The following DACH1 variants were observed in gnomAD, a reference collection of about 807,000 sequenced individuals.
DACH1 encodes the protein dachshund homolog 1.
In DACH1, 12 loss-of-function variants were observed where a neutral mutation model predicts 54.2. The observed-to-expected ratio is 0.22, with a 90% CI of 0.14 to 0.36. The LOEUF (loss-of-function observed/expected upper bound fraction) is 0.36, where lower values mean the gene tolerates loss of function less well. Among genes scored for constraint, DACH1 ranks in the 10% least tolerant of loss-of-function variants. The pLI is 1.00. For synonymous variants in DACH1, 386 were observed against 366.2 expected (o/e 1.05, Z -0.62); for missense variants, 805 against 929.8 (o/e 0.87, Z 1.75).
intron 1 of DACH1, among the ~76,000 whole-genome samples, chr13:71,780,976 A>G (rs1886344550): frequency 6.6e-6 from 1 of 152,190 alleles, no homozygotes; most frequent in Non-Finnish European, 1.5e-5. Context: ...TCTACAAAAA[A>G]TAAAAATAAA....
chr13:71,850,330 C>A (rs959313828), intron 1 of DACH1, among the ~76,000 whole-genome samples: 1 of 152,166 alleles, frequency 6.6e-6, no homozygotes, highest in Non-Finnish European at 1.5e-5. Flanking sequence ...TTACTCAACA[C>A]CTTCGGGCCC....
chr13:71,531,416 G>A (rs1464130224), intron 6 of DACH1, among the ~76,000 whole-genome samples: 1 of 151,968 alleles, frequency 6.6e-6, no homozygotes, highest in South Asian at 2.1e-4. Flanking sequence ...ATAAGTATAT[G>A]AGAATTGAAG....
intron 4 of DACH1, among the ~76,000 whole-genome samples, chr13:71,560,216 G>C (rs1884502712): frequency 6.6e-6 from 1 of 152,098 alleles, no homozygotes; most frequent in African/African-American, 2.4e-5. Flanking sequence ...TGGAGAAAAA[G>C]TAAGCCCTAG....
At chr13:71,511,834 T>C (rs1880798262) in intron 6 of DACH1, among the ~76,000 whole-genome samples, 1 of 151,976 alleles carries the variant, frequency 6.6e-6, no homozygotes, top group South Asian at 2.1e-4. Context: ...ATCTTTTGTT[T>C]CAGCAGAAGG....
At chr13:71,772,373 T>C (rs1885893471) in intron 1 of DACH1, among the ~76,000 whole-genome samples, 1 of 151,696 alleles carries the variant, frequency 6.6e-6, no homozygotes, top group Non-Finnish European at 1.5e-5. Flanking sequence ...TGTGCTTCCT[T>C]AAAAGACTTT....
intron 3 of DACH1, among the ~76,000 whole-genome samples, chr13:71,605,568 T>C (rs1299032881): frequency 6.6e-6 from 1 of 151,928 alleles, no homozygotes; most frequent in Non-Finnish European, 1.5e-5. Flanking sequence ...TGATTACTTT[T>C]CATATAATAA....
chr13:71,595,739 C>T (rs900076683), intron 3 of DACH1, among the ~76,000 whole-genome samples: 4 of 151,998 alleles, frequency 2.6e-5, no homozygotes, highest in African/African-American at 7.2e-5. Context: ...TCTGAGTTGC[C>T]GACTGCAAAC....
chr13:71,745,242 C>T (rs1464722613), intron 1 of DACH1, among the ~76,000 whole-genome samples: 1 of 152,094 alleles, frequency 6.6e-6, no homozygotes, highest in Non-Finnish European at 1.5e-5. Flanking sequence ...TTTTCCCCTT[C>T]TTTTCTTTTA....
intron 1 of DACH1, among the ~76,000 whole-genome samples, chr13:71,803,652 A>G (rs1476037310): frequency 6.6e-6 from 1 of 152,180 alleles, no homozygotes; most frequent in African/African-American, 2.4e-5. Context: ...GAAAAAAATC[A>G]TGACCCTATT....
intron 2 of DACH1, among the ~76,000 whole-genome samples, chr13:71,667,892 A>G (rs1156879084): frequency 2.0e-5 from 3 of 152,118 alleles, no homozygotes; most frequent in African/African-American, 4.8e-5. Flanking sequence ...CATTTGAATC[A>G]ACATGGTTCC....
chr13:71,685,127 G>A (rs1450564805), intron 1 of DACH1, among the ~76,000 whole-genome samples: 2 of 152,126 alleles, frequency 1.3e-5, no homozygotes, highest in Non-Finnish European at 2.9e-5. Flanking sequence ...TGTCCCCACA[G>A]CCCTCACTCT....
chr13:71,498,428 G>C (rs552625949), intron 6 of DACH1, among the ~76,000 whole-genome samples: 1 of 152,296 alleles, frequency 6.6e-6, no homozygotes, highest in African/African-American at 2.4e-5. Flanking sequence ...ATCCATGATA[G>C]TAAAACTAAA....
chr13:71,608,629 C>T (rs1875066235), intron 3 of DACH1, among the ~76,000 whole-genome samples: 2 of 151,952 alleles, frequency 1.3e-5, no homozygotes, highest in South Asian at 2.1e-4. Context: ...GAATAATATT[C>T]CAAATTTGGA....
chr13:71,632,024 G>A (rs1877143252), intron 2 of DACH1, among the ~76,000 whole-genome samples: 1 of 151,968 alleles, frequency 6.6e-6, no homozygotes, highest in African/African-American at 2.4e-5. Flanking sequence ...GTTGAGCCTA[G>A]GAGGTTGAGG....
intron 1 of DACH1, among the ~76,000 whole-genome samples, chr13:71,790,917 T>C (rs1566502229): frequency 6.6e-6 from 1 of 152,198 alleles, no homozygotes; most frequent in Admixed American, 6.5e-5. Context: ...CCCCCGGTAA[T>C]TGAAGTATAG....
intron 1 of DACH1, among the ~76,000 whole-genome samples, chr13:71,864,392 C>T (rs1210247462): frequency 6.6e-6 from 1 of 152,122 alleles, no homozygotes; most frequent in African/African-American, 2.4e-5. Context: ...GAGAAGAAGT[C>T]TTTCTCCATG....
chr13:71,793,397 T>G (rs1886912031), intron 1 of DACH1, among the ~76,000 whole-genome samples: 1 of 152,190 alleles, frequency 6.6e-6, no homozygotes, highest in African/African-American at 2.4e-5. Context: ...AAGTTTCCAT[T>G]CTAAGACACC....
intron 6 of DACH1, among the ~76,000 whole-genome samples, chr13:71,507,621 A>T (rs1880439759): frequency 6.6e-6 from 1 of 152,206 alleles, no homozygotes; most frequent in Admixed American, 6.6e-5. Context: ...ATACTCTAAC[A>T]AAGATAAGAC....
At chr13:71,728,388 C>T (rs369915383) in intron 1 of DACH1, among the ~76,000 whole-genome samples, 2 of 151,798 alleles carry the variant, frequency 1.3e-5, no homozygotes, top group African/African-American at 4.8e-5. Flanking sequence ...CCAAAGACAC[C>T]TTTTGGTTGA....
Sources: gnomAD v4.1 joint callset for allele counts (sites outside exome capture counted in the v4.1 genomes callset) on GRCh38, gnomAD v4.1.1 for gene constraint, MANE v1.5 for transcripts, NCBI Gene and HGNC (gene_info 2026-07-23, HGNC 2026-07-21) for gene names.